The following IFT56 variants were observed in gnomAD, a reference collection of about 807,000 sequenced individuals.
IFT56 encodes the protein intraflagellar transport 56.
chr7:139,189,599 C>T, the IFT56 span: 1 of 562,438 alleles, frequency 1.8e-6, no homozygotes, highest in African/African-American at 1.9e-5. Flanking sequence ...AGTCTCCTGG[C>T]TGAACAGAGT....
chr7:139,172,939 C>A, the IFT56 span: 1 of 723,622 alleles, frequency 1.4e-6, no homozygotes, highest in Non-Finnish European at 2.6e-6. Flanking sequence ...CTTGGTTATA[C>A]TGGCGGATGT....
At chr7:139,173,858 T>TA in the IFT56 span, 64 of 705,436 alleles carry the variant, frequency 9.1e-5, no homozygotes, top group African/African-American at 1.1e-3. Flanking sequence ...TTTCTATAGT[T>TA]ACTGTTGTTT....
At chr7:139,187,194 G>A in the IFT56 span, among the ~76,000 whole-genome samples, 1 of 151,336 alleles carries the variant, frequency 6.6e-6, no homozygotes, top group Non-Finnish European at 1.5e-5. Context: ...GTGAACATAA[G>A]GTAGTTTAAA....
At chr7:139,134,809 G>C in the IFT56 span, 5 of 1,609,794 alleles carry the variant, frequency 3.1e-6, no homozygotes, top group Non-Finnish European at 4.2e-6. Context: ...CCCAAAGAAC[G>C]TTGCTTCTTA....
the IFT56 span, chr7:139,160,973 A>AT: frequency 4.3e-6 from 7 of 1,613,636 alleles, no homozygotes; most frequent in Non-Finnish European, 5.9e-6. Flanking sequence ...TTGATGGACA[A>AT]TGCTTCTTCA....
the IFT56 span, among the ~76,000 whole-genome samples, chr7:139,144,541 T>TA: frequency 6.6e-6 from 1 of 152,080 alleles, no homozygotes; most frequent in East Asian, 1.9e-4. Flanking sequence ...TGGTCATTGT[T>TA]ACTTCAAATT....
At chr7:139,185,863 T>TA in the IFT56 span, among the ~76,000 whole-genome samples, 13 of 150,764 alleles carry the variant, frequency 8.6e-5, no homozygotes, top group South Asian at 4.2e-4. Context: ...ACCTTGAAAA[T>TA]AAAAAAAAAT....
chr7:139,150,518 T>G, the IFT56 span, among the ~76,000 whole-genome samples: 2 of 152,202 alleles, frequency 1.3e-5, no homozygotes, highest in African/African-American at 4.8e-5. Flanking sequence ...AAGGCAAGCT[T>G]TTTCCTTTGA....
At chr7:139,186,362 G>A in the IFT56 span, among the ~76,000 whole-genome samples, 1 of 151,502 alleles carries the variant, frequency 6.6e-6, no homozygotes, top group Admixed American at 6.6e-5. Context: ...GGAATTTGAG[G>A]TCACAGTGAG....
chr7:139,148,661 G>A, the IFT56 span, among the ~76,000 whole-genome samples: 2 of 152,122 alleles, frequency 1.3e-5, no homozygotes, highest in African/African-American at 4.8e-5. Flanking sequence ...GCTTCTGGCC[G>A]GGCGCTGTGG....
chr7:139,186,676 A>G, the IFT56 span, among the ~76,000 whole-genome samples: 2,529 of 152,320 alleles, frequency 0.017, 36 homozygotes, highest in South Asian at 0.031. Flanking sequence ...TGATCAAATT[A>G]GCATAAAATG....
At chr7:139,181,147 C>G in the IFT56 span, 6 of 1,613,156 alleles carry the variant, frequency 3.7e-6, no homozygotes, top group Non-Finnish European at 5.1e-6. Flanking sequence ...AGATGGAAAC[C>G]TCCGGCGAGT....
At chr7:139,180,221 C>T in the IFT56 span, among the ~76,000 whole-genome samples, 259 of 152,132 alleles carry the variant, frequency 1.7e-3, no homozygotes, top group Middle Eastern at 6.8e-3. Flanking sequence ...CCTGTAGTCC[C>T]AGCTGCTCGG....
chr7:139,172,738 G>C, the IFT56 span: 1 of 630,410 alleles, frequency 1.6e-6, no homozygotes, highest in African/African-American at 1.8e-5. Context: ...AAATGTAAGA[G>C]GGTGGAAGCG....
At chr7:139,144,546 C>T in the IFT56 span, among the ~76,000 whole-genome samples, 1 of 151,908 alleles carries the variant, frequency 6.6e-6, no homozygotes, top group Non-Finnish European at 1.5e-5. Context: ...ATTGTTACTT[C>T]AAATTTTGCT....
chr7:139,151,564 A>G, the IFT56 span, among the ~76,000 whole-genome samples: 17 of 152,304 alleles, frequency 1.1e-4, no homozygotes, highest in Non-Finnish European at 2.5e-4. Flanking sequence ...CTCCTTAAGC[A>G]TCATCTGTAA....
chr7:139,176,332 A>C, the IFT56 span, among the ~76,000 whole-genome samples: 2 of 152,088 alleles, frequency 1.3e-5, no homozygotes, highest in African/African-American at 4.8e-5. Flanking sequence ...TGCAGTATGG[A>C]TATATGGACT....
At chr7:139,174,385 G>A in the IFT56 span, 127 of 446,926 alleles carry the variant, frequency 2.8e-4, no homozygotes, top group East Asian at 4.5e-3. Flanking sequence ...GGCGGCCCGC[G>A]TTGGCATCAG....
At chr7:139,190,948 G>A in the IFT56 span, 2 of 152,228 alleles carry the variant, frequency 1.3e-5, no homozygotes, top group African/African-American at 4.8e-5. Context: ...ATCCCCGTAG[G>A]CACTGTATTA....
Sources: gnomAD v4.1 joint callset for allele counts (sites outside exome capture counted in the v4.1 genomes callset) on GRCh38, gnomAD v4.1.1 for gene constraint, MANE v1.5 for transcripts, NCBI Gene and HGNC (gene_info 2026-07-23, HGNC 2026-07-21) for gene names.